Variants in STK32B observed in about 807,000 individuals in gnomAD.
The protein encoded by STK32B is serine/threonine-protein kinase 32B.
In STK32B, 43 loss-of-function variants were observed where a neutral mutation model predicts 52.6. That is an observed-to-expected ratio of 0.82 (90% confidence interval 0.64 to 1.05). The LOEUF is 1.05. STK32B is among the 50% of genes least tolerant of loss of function. The probability of loss-of-function intolerance (pLI) is 0.00; values close to 1 mark genes in which losing one functional copy is unlikely to be tolerated. For synonymous variants in STK32B, 238 were observed against 204.3 expected (o/e 1.17, Z -1.41); for missense variants, 621 against 534.6 (o/e 1.16, Z -1.59).
intron 3 of STK32B, among the ~76,000 whole-genome samples, chr4:5,180,040 G>T (rs1330312659): frequency 6.6e-6 from 1 of 152,310 alleles, no homozygotes; most frequent in East Asian, 1.9e-4. Context: ...GGCAATGAGG[G>T]AAGGGGCTCT....
chr4:5,214,554 G>T (rs745953406), intron 3 of STK32B, among the ~76,000 whole-genome samples: 3 of 152,080 alleles, frequency 2.0e-5, no homozygotes, highest in Admixed American at 6.5e-5. Context: ...CCTTCTCTGG[G>T]TGGGTTTGTC....
intron 3 of STK32B, among the ~76,000 whole-genome samples, chr4:5,245,222 T>C (rs1425675835): frequency 6.6e-6 from 1 of 152,218 alleles, no homozygotes; most frequent in African/African-American, 2.4e-5. Flanking sequence ...CAAGAATCTT[T>C]GTAGGTCACT....
chr4:5,107,025 A>G (rs35500274), intron 1 of STK32B, among the ~76,000 whole-genome samples: 23,890 of 152,206 alleles, frequency 0.16, 2,339 homozygotes, highest in Middle Eastern at 0.24. Flanking sequence ...ACCCGGCTGC[A>G]TAGCAGGAGG....
At chr4:5,220,570 C>A (rs1210797180) in intron 3 of STK32B, among the ~76,000 whole-genome samples, 1 of 152,128 alleles carries the variant, frequency 6.6e-6, no homozygotes, top group Non-Finnish European at 1.5e-5. Flanking sequence ...TTATAAAATG[C>A]AAAAGGTCAA....
chr4:5,268,543 GTGT>G (rs1560274147), intron 3 of STK32B, among the ~76,000 whole-genome samples: 1 of 63,744 alleles, frequency 1.6e-5, no homozygotes, highest in African/African-American at 1.9e-4. Flanking sequence ...GGTGTGGTGT[GTGT>G]GTGTGTGTGT....
At chr4:5,084,257 G>T (rs1712596948) in intron 1 of STK32B, among the ~76,000 whole-genome samples, 1 of 152,122 alleles carries the variant, frequency 6.6e-6, no homozygotes, top group Admixed American at 6.5e-5. Context: ...TCTTTGTATT[G>T]GAGAACTGGC....
intron 3 of STK32B, among the ~76,000 whole-genome samples, chr4:5,317,105 A>AATG (rs1731023804): frequency 1.8e-5 from 1 of 56,160 alleles, no homozygotes. Context: ...ATGATATAAT[A>AATG]TATAATATAT....
Position 5,071,135 on chromosome 4 carries a change from G to T in STK32B, c.52+19220G>T, listed in dbSNP as rs547602629. Among the ~76,000 whole-genome samples, 7 of 152,246 alleles carry T rather than the reference G, an allele frequency of 4.6e-5. 1 individual carries two copies. In the South Asian group the frequency reaches 1.5e-3, roughly 32 times the overall value. ...AGTAGAAGACGAGGAGACACTTAAT[G>T]GTTTTAATATGGGGAGTGATGTGAC... On this transcript the variant is annotated intron_variant, in intron 1 of 11. Transcript: ENST00000282908.
rs1352438579 is a variant in STK32B at position 5,294,648 on chromosome 4, C to T, written c.261-36572C>T. 2.6e-5 allele frequency among the ~76,000 whole-genome samples: 4 copies of T among 152,136 alleles called. 1 individual carries two copies. The highest frequency in any genetic ancestry group is 2.6e-4 in the Admixed American group (4 of 15,274). ...GTATTCTGAGACTTTGCTGAAGTTGCTTATCAGCTCAAGGAGTTTTTGGAC... is the reference window on the plus strand; with the variant it reads ...GTATTCTGAGACTTTGCTGAAGTTGTTTATCAGCTCAAGGAGTTTTTGGAC... On this transcript the variant is annotated intron_variant, in intron 3 of 11. Coordinates refer to ENST00000282908, the MANE Select transcript of STK32B (RefSeq NM_018401.3).
intron 4 of STK32B, among the ~76,000 whole-genome samples, chr4:5,372,832 G>A (rs1424835981): frequency 6.6e-6 from 1 of 151,952 alleles, no homozygotes; most frequent in Admixed American, 6.5e-5. Context: ...TTATGCTATG[G>A]AGCATGAAAG....
intron 3 of STK32B, among the ~76,000 whole-genome samples, chr4:5,217,827 A>G (rs1723271956): frequency 6.6e-6 from 1 of 152,200 alleles, no homozygotes; most frequent in Admixed American, 6.5e-5. Context: ...TGTCAGCTTC[A>G]GTTAGCCCTT....
intron 3 of STK32B, among the ~76,000 whole-genome samples, chr4:5,220,026 C>T (rs567941532): frequency 7.2e-5 from 11 of 152,040 alleles, no homozygotes; most frequent in Non-Finnish European, 1.5e-4. Context: ...GCTGTGGGCA[C>T]GTTCAATTTT....
intron 3 of STK32B, among the ~76,000 whole-genome samples, chr4:5,245,015 A>C (rs1443705798): frequency 6.6e-6 from 1 of 151,984 alleles, no homozygotes; most frequent in Non-Finnish European, 1.5e-5. Flanking sequence ...TCAATTTTGG[A>C]ATAGGTGTGG....
chr4:5,302,290 G>T (rs1001947000), intron 3 of STK32B, among the ~76,000 whole-genome samples: 2 of 150,394 alleles, frequency 1.3e-5, no homozygotes, highest in African/African-American at 2.4e-5. Flanking sequence ...TTTATATTCT[G>T]TGTGTATGTT....
At chr4:5,080,542 T>C (rs551960753) in intron 1 of STK32B, among the ~76,000 whole-genome samples, 2 of 152,316 alleles carry the variant, frequency 1.3e-5, no homozygotes, top group East Asian at 1.9e-4. Flanking sequence ...CTTACTGATA[T>C]TTCACCTTGC....
At chr4:5,342,290 G>GT (rs1260397821) in intron 4 of STK32B, among the ~76,000 whole-genome samples, 1 of 151,972 alleles carries the variant, frequency 6.6e-6, no homozygotes, top group East Asian at 1.9e-4. Context: ...GCAAAGACTT[G>GT]GAACCAACCC....
chr4:5,137,328 A>G (rs1716135724), intron 1 of STK32B, among the ~76,000 whole-genome samples: 1 of 152,236 alleles, frequency 6.6e-6, no homozygotes, highest in Admixed American at 6.5e-5. Flanking sequence ...AAGGAGCAGA[A>G]GAGAGGCCAC....
intron 3 of STK32B, among the ~76,000 whole-genome samples, chr4:5,173,483 C>T (rs1577140380): frequency 6.6e-6 from 1 of 152,040 alleles, no homozygotes; most frequent in Non-Finnish European, 1.5e-5. Context: ...GAATGTGTCC[C>T]AGAGATTCTG....
intron 3 of STK32B, among the ~76,000 whole-genome samples, chr4:5,324,669 C>T (rs1487095632): frequency 6.6e-6 from 1 of 152,184 alleles, no homozygotes; most frequent in Non-Finnish European, 1.5e-5. Flanking sequence ...AAACTGTCTC[C>T]ACACATTGTC....
Sources: allele counts gnomAD v4.1 joint callset (sites outside exome capture counted in the v4.1 genomes callset), GRCh38; gene constraint gnomAD v4.1.1; transcripts MANE v1.5; gene names NCBI Gene and HGNC (gene_info 2026-07-23, HGNC 2026-07-21).